RNF32: variants seen among roughly 807,000 people sequenced by gnomAD.
RNF32 encodes ring finger protein 32.
In RNF32, 36 loss-of-function variants were observed where a neutral mutation model predicts 41.0. The observed-to-expected ratio is 0.88, with a 90% CI of 0.67 to 1.16. The LOEUF (loss-of-function observed/expected upper bound fraction) is 1.16, where lower values mean the gene tolerates loss of function less well. RNF32 is among the 50% of genes most tolerant of loss of function. The pLI, the probability that RNF32 is intolerant of heterozygous loss-of-function variation, is 0.00. For synonymous variants in RNF32, 154 were observed against 160.9 expected, an observed-to-expected ratio of 0.96 and a Z score of 0.32; for missense variants, 413 against 436.7, an observed-to-expected ratio of 0.95 and a Z score of 0.48.
At chr7:156,647,735 T>A (rs1268983133) in intron 3 of RNF32, among the ~76,000 whole-genome samples, 1 of 152,236 alleles carries the variant, frequency 6.6e-6, no homozygotes, top group Admixed American at 6.5e-5. Flanking sequence ...AGATCCACTT[T>A]TAGTTATTCA....
intron 1 of RNF32, among the ~76,000 whole-genome samples, chr7:156,641,610 T>C (rs184875015): frequency 4.3e-4 from 66 of 152,358 alleles, no homozygotes; most frequent in African/African-American, 1.5e-3. Flanking sequence ...ACCGTAGGAC[T>C]TTAAGAGAGT....
At chr7:156,640,380 G>A (rs1797118056), upstream of RNF32, 2 of 440,220 alleles carry the variant, frequency 4.5e-6, no homozygotes, top group Non-Finnish European at 9.0e-6. Context: ...AAGCCGCCGG[G>A]GGCTGCGGAC....
At chr7:156,664,555 T>C (rs1801085332) in intron 7 of RNF32, among the ~76,000 whole-genome samples, 1 of 152,212 alleles carries the variant, frequency 6.6e-6, no homozygotes, top group South Asian at 2.1e-4. Flanking sequence ...TTGATTTACA[T>C]GTTTGGTACA....
upstream of RNF32, chr7:156,640,219 G>A (rs1466800330): frequency 1.8e-5 from 8 of 452,410 alleles, 1 homozygote; most frequent in Middle Eastern, 3.3e-4. Context: ...GGGATCGGGG[G>A]ATCCCCCAGA....
intron 3 of RNF32, among the ~76,000 whole-genome samples, chr7:156,648,450 G>T (rs1798274891): frequency 6.6e-6 from 1 of 152,038 alleles, no homozygotes; most frequent in South Asian, 2.1e-4. Context: ...GTACCTGTAT[G>T]GTTTATGTAG....
intron 3 of RNF32, among the ~76,000 whole-genome samples, chr7:156,650,064 T>G (rs1798516658): frequency 6.6e-6 from 1 of 151,980 alleles, no homozygotes; most frequent in African/African-American, 2.4e-5. Flanking sequence ...AGGTGATGGG[T>G]TAGGATGCAT....
intron 3 of RNF32, 95 bp from the exon 4 acceptor site, chr7:156,654,481 T>C: frequency 9.4e-7 from 1 of 1,065,744 alleles, no homozygotes; most frequent in Non-Finnish European, 1.4e-6. Flanking sequence ...ATGTAGTTCT[T>C]TAATCTTTGT....
chr7:156,671,558 A>AT (rs1319997975), intron 7 of RNF32, among the ~76,000 whole-genome samples: 4 of 152,000 alleles, frequency 2.6e-5, no homozygotes, highest in African/African-American at 7.2e-5. Context: ...TGCAGATGTC[A>AT]TCATAGGTCG....
Position 156,676,673 on chromosome 7 carries a change from G to T in RNF32, c.*18G>T. 6.3e-7 allele frequency: 1 copy of T among 1,598,102 alleles called. No homozygotes were observed. Among genetic ancestry groups the T allele is most frequent in the Non-Finnish European group, 8.6e-7 (1 of 1,166,590 alleles). On this transcript the variant is annotated 3_prime_UTR_variant, in exon 9 of 9. Transcript: ENST00000317955. ...AATGTTGAATTCATAGTCAAGGAAA[G>T]TTAGGTAATTCTGAGGAAAAAAGTT... is the stretch of plus-strand genomic sequence containing the variant.
rs766486329 is a variant in RNF32 at position 156,670,069 on chromosome 7, G to GA, written c.685-5621dup. Among the ~76,000 whole-genome samples, 1 of 152,092 alleles carries GA rather than the reference G, an allele frequency of 6.6e-6. No individual in the cohort carries two copies. Among genetic ancestry groups the GA allele is most frequent in the African/African-American group, 2.4e-5 (1 of 41,406 alleles). On this transcript the variant is annotated intron_variant, in intron 7 of 8. Coordinates refer to ENST00000317955, the MANE Select transcript of RNF32 (RefSeq NM_030936.4). This position sits in a 1 kb window ranked among gnomAD's most constrained non-coding sequence, Gnocchi z 4.3. The stretch of plus-strand genomic sequence containing the variant: ...TGCTGTTTATTTAATGTTATTCTAA[G>GA]AAAAAATTAAATTATAAATTTTATG...
At chr7:156,661,177 G>A (rs1800607391) in intron 7 of RNF32, among the ~76,000 whole-genome samples, 1 of 150,052 alleles carries the variant, frequency 6.7e-6, no homozygotes, top group Admixed American at 6.6e-5. Context: ...AGGAATACTG[G>A]TCACTTCAGC....
rs139164825 is a variant in RNF32, at chr7:156,650,445, C to T, written c.275-4131C>T. The stretch of plus-strand genomic sequence containing the variant: ...GTGAGGCTGAGCCCATTTCCACTGA[C>T]GCGCAGTGGGGTTCTAAAGGCAAGA... On this transcript the variant is annotated intron_variant, in intron 3 of 8. Coordinates refer to ENST00000317955, the MANE Select transcript of RNF32 (RefSeq NM_030936.4). Among the ~76,000 whole-genome samples the T allele has an allele frequency of 3.4e-3, 513 of 152,338 alleles. 2 individuals carry two copies. The highest frequency in any genetic ancestry group is 9.1e-3 in the African/African-American group (380 of 41,570).
Position 156,654,576 on chromosome 7 carries a change from CA to C in RNF32, c.276del (p.Gln93ArgfsTer21). 1.2e-6 allele frequency: 2 copies of C among 1,613,546 alleles called. No individual in the cohort carries two copies. Among genetic ancestry groups the C allele is most frequent in the Non-Finnish European group, 1.7e-6 (2 of 1,179,524 alleles). On this transcript the variant is annotated frameshift_variant and splice_region_variant, in exon 4 of 9. Transcript: ENST00000317955. LOFTEE classifies it high-confidence loss of function. The part of the protein sequence containing the change: ...LDPKPPPLTL[A>X]QKLGLIGPPP... ...CCTGTCCTGTGCTGTCTTACTTTAG[CA>C]CAGAAGTTGGGCCTCATTGGGCCTC...
At chr7:156,640,541 T>C (rs897422109), upstream of RNF32, 1 of 382,524 alleles carries the variant, frequency 2.6e-6, no homozygotes, top group Non-Finnish European at 5.1e-6. Flanking sequence ...CGCACCTGCG[T>C]CTAGACGCTG....
At chr7:156,645,021 ATAAT>A (rs1382039724) in intron 3 of RNF32, among the ~76,000 whole-genome samples, 7 of 152,224 alleles carry the variant, frequency 4.6e-5, no homozygotes, top group African/African-American at 7.2e-5. Context: ...ATAAAAATAA[ATAAT>A]TGAGTAAATA....
chr7:156,648,120 CT>C (rs1246462997), intron 3 of RNF32, among the ~76,000 whole-genome samples: 2 of 151,762 alleles, frequency 1.3e-5, no homozygotes, highest in Non-Finnish European at 2.9e-5. Context: ...TTTTTACAAC[CT>C]TTTGTAAATC....
In RNF32 at chr7:156,660,724, A is replaced by T. The variant is rs948703192; in HGVS notation, c.684+2154A>T. On this transcript the variant is annotated intron_variant, in intron 7 of 8. Transcript: ENST00000317955. Reference sequence around the variant, plus strand: ...TGTTGACAGAAAAACCAAACTCTGTAAAGTATTTTAAAGAAGTTGACTCTG... The same window carrying T: ...TGTTGACAGAAAAACCAAACTCTGTTAAGTATTTTAAAGAAGTTGACTCTG... Among the ~76,000 whole-genome samples the T allele has an allele frequency of 2.6e-5, 4 of 152,216 alleles. No homozygotes were observed. The East Asian group carries it at 7.7e-4, about 29-fold the overall frequency.
intron 5 of RNF32, 80 bp downstream of exon 5, chr7:156,657,653 C>G: frequency 2.2e-6 from 3 of 1,374,464 alleles, no homozygotes; most frequent in Non-Finnish European, 3.1e-6. Context: ...ATTTTCAAGG[C>G]TCCTAAGGAG....
At chr7:156,647,720 G>A (rs1039813773) in intron 3 of RNF32, among the ~76,000 whole-genome samples, 4 of 152,166 alleles carry the variant, frequency 2.6e-5, no homozygotes, top group Admixed American at 6.5e-5. Context: ...GCTGGATCGA[G>A]GGATAGATCC....
Sources: allele counts gnomAD v4.1 joint callset (sites outside exome capture counted in the v4.1 genomes callset), GRCh38; gene constraint gnomAD v4.1.1; non-coding constraint Gnocchi (gnomAD v3.1); transcripts MANE v1.5; gene names NCBI Gene and HGNC (gene_info 2026-07-23, HGNC 2026-07-21).